The following LRRTM4 variants were observed in gnomAD, a reference collection of about 807,000 sequenced individuals.
LRRTM4 encodes leucine-rich repeat transmembrane neuronal protein 4.
LRRTM4 carries 25 observed loss-of-function variants against 47.6 expected under a neutral mutation model. The ratio of observed to expected loss-of-function variants is 0.53; its 90% CI spans 0.38 to 0.73. LRRTM4 has a LOEUF of 0.73. Ranked by LOEUF, LRRTM4 falls within the 30% of genes least tolerant of loss-of-function variation. The pLI, the probability that LRRTM4 is intolerant of heterozygous loss-of-function variation, is 0.00. For missense variants in LRRTM4, 638 were observed against 713.4 expected (o/e 0.89, Z 1.20); for synonymous variants, 311 against 269.5 (o/e 1.15, Z -1.51).
At chr2:77,200,657 AT>A (rs558146376) in intron 3 of LRRTM4, among the ~76,000 whole-genome samples, 1 of 151,978 alleles carries the variant, frequency 6.6e-6, no homozygotes, top group Non-Finnish European at 1.5e-5. Flanking sequence ...TTCACTCATT[AT>A]TTTTTTCACA....
intron 3 of LRRTM4, among the ~76,000 whole-genome samples, chr2:77,377,425 T>A (rs1672878974): frequency 6.6e-6 from 1 of 151,996 alleles, no homozygotes. Flanking sequence ...TAGTTGGATA[T>A]ACTATAGGAA....
At chr2:76,923,970 G>T (rs1409375978) in intron 3 of LRRTM4, among the ~76,000 whole-genome samples, 1 of 152,008 alleles carries the variant, frequency 6.6e-6, no homozygotes, top group Non-Finnish European at 1.5e-5. Flanking sequence ...CATAGGTGTG[G>T]AGTGTTTTTT....
chr2:77,441,011 T>G (rs894966707), intron 3 of LRRTM4, among the ~76,000 whole-genome samples: 1 of 152,208 alleles, frequency 6.6e-6, no homozygotes, highest in Non-Finnish European at 1.5e-5. Flanking sequence ...CAAAAATCAT[T>G]CTCACAATGA....
chr2:76,775,319 C>T (rs1001625309), intron 3 of LRRTM4, among the ~76,000 whole-genome samples: 2 of 151,930 alleles, frequency 1.3e-5, no homozygotes, highest in African/African-American at 2.4e-5. Flanking sequence ...TATATAGTAC[C>T]ATGTGTAATG....
chr2:77,043,759 A>T (rs1679117525), intron 3 of LRRTM4, among the ~76,000 whole-genome samples: 1 of 151,830 alleles, frequency 6.6e-6, no homozygotes, highest in Admixed American at 6.6e-5. Context: ...TCCTCTTGCA[A>T]ATATCCTTCA....
rs148304670 is a variant in LRRTM4 at position 77,270,131 on chromosome 2, C to T, written c.1551+248187G>A. Among the ~76,000 whole-genome samples, 580 of 152,262 alleles carry T rather than the reference C, an allele frequency of 3.8e-3. 4 individuals are homozygous for T. Among genetic ancestry groups the T allele is most frequent in the African/African-American group, 0.012 (508 of 41,544 alleles). On this transcript the variant is annotated intron_variant, in intron 3 of 3. Coordinates refer to ENST00000409884, the MANE Select transcript of LRRTM4 (RefSeq NM_001134745.3). ...GCACTTATACATCTACATCCCTCTA[C>T]GGAGGCTTGGGCCAAAGTAAAAACC...
chr2:77,261,789 C>A (rs2104042536), intron 3 of LRRTM4, among the ~76,000 whole-genome samples: 1 of 152,068 alleles, frequency 6.6e-6, no homozygotes, highest in Admixed American at 6.5e-5. Flanking sequence ...ACATTTTTAA[C>A]TTAAAATTTT....
At chr2:77,320,047 A>G (rs1275390915) in intron 3 of LRRTM4, among the ~76,000 whole-genome samples, 1 of 152,130 alleles carries the variant, frequency 6.6e-6, no homozygotes, top group Non-Finnish European at 1.5e-5. Context: ...AAACCGGCCT[A>G]TTAATTTCAG....
At chr2:77,086,138 A>T (rs1471209775) in intron 3 of LRRTM4, among the ~76,000 whole-genome samples, 1 of 152,222 alleles carries the variant, frequency 6.6e-6, no homozygotes, top group African/African-American at 2.4e-5. Flanking sequence ...GAAAATAATC[A>T]TAGAACATTT....
intron 3 of LRRTM4, among the ~76,000 whole-genome samples, chr2:77,024,796 A>C (rs1404385596): frequency 6.6e-6 from 1 of 152,178 alleles, no homozygotes; most frequent in Non-Finnish European, 1.5e-5. Context: ...TATTATTGGA[A>C]ACACATTTTA....
At chr2:76,883,504 T>C (rs1672988240) in intron 3 of LRRTM4, among the ~76,000 whole-genome samples, 1 of 152,176 alleles carries the variant, frequency 6.6e-6, no homozygotes, top group African/African-American at 2.4e-5. Flanking sequence ...GGTTTGAGAA[T>C]GCAATTTACA....
chr2:77,281,153 T>C (rs1233459320), intron 3 of LRRTM4, among the ~76,000 whole-genome samples: 2 of 151,972 alleles, frequency 1.3e-5, no homozygotes, highest in African/African-American at 2.4e-5. Flanking sequence ...CTTATTTGGC[T>C]AAGATTTCCG....
Position 76,748,255 on chromosome 2 carries a change from G to A in LRRTM4, c.*440C>T. 1 of 157,386 alleles carries A rather than the reference G, an allele frequency of 6.4e-6. No homozygotes were observed. The highest frequency in any genetic ancestry group is 1.4e-5 in the Non-Finnish European group (1 of 71,740). The allele number at this position is 157,386 out of a possible 1,614,324, so 9.7% of individuals were successfully genotyped here. ...AAAGCAATTTAAATAAAATCTGTGA[G>A]AATTACACACACCTAAAGAGGAAAA... On this transcript the variant is annotated 3_prime_UTR_variant, in exon 4 of 4. Transcript: ENST00000409884.
chr2:77,181,109 G>A (rs1673335457), intron 3 of LRRTM4, among the ~76,000 whole-genome samples: 1 of 152,214 alleles, frequency 6.6e-6, no homozygotes, highest in Non-Finnish European at 1.5e-5. Context: ...TTCTAGCAAA[G>A]GATGACATAA....
chr2:76,875,664 T>C (rs576565417), intron 3 of LRRTM4, among the ~76,000 whole-genome samples: 1 of 152,260 alleles, frequency 6.6e-6, no homozygotes, highest in Admixed American at 6.5e-5. Flanking sequence ...CCTGTTTCTA[T>C]ATATTTTCTA....
At chr2:77,513,732 A>ATT (rs1679105896) in intron 3 of LRRTM4, among the ~76,000 whole-genome samples, 1 of 151,816 alleles carries the variant, frequency 6.6e-6, no homozygotes, top group Non-Finnish European at 1.5e-5. Context: ...TGACCTGCTA[A>ATT]TTTTTGTATT....
intron 3 of LRRTM4, among the ~76,000 whole-genome samples, chr2:77,363,722 T>C (rs142913218): frequency 6.6e-6 from 1 of 152,240 alleles, no homozygotes; most frequent in Non-Finnish European, 1.5e-5. Flanking sequence ...AAGGGGAGAA[T>C]TTACCTTAAA....
chr2:77,330,731 T>G (rs1012755223), intron 3 of LRRTM4, among the ~76,000 whole-genome samples: 1 of 152,180 alleles, frequency 6.6e-6, no homozygotes, highest in Non-Finnish European at 1.5e-5. Flanking sequence ...GTTTTTGCTT[T>G]TATACTCATC....
At chr2:76,916,188 G>C (rs1468144897) in intron 3 of LRRTM4, among the ~76,000 whole-genome samples, 1 of 151,802 alleles carries the variant, frequency 6.6e-6, no homozygotes, top group South Asian at 2.1e-4. Flanking sequence ...CAAAGTAGTA[G>C]TAGAATAACA....
Sources: allele counts gnomAD v4.1 joint callset (sites outside exome capture counted in the v4.1 genomes callset), GRCh38; gene constraint gnomAD v4.1.1; transcripts MANE v1.5; gene names NCBI Gene and HGNC (gene_info 2026-07-23, HGNC 2026-07-21).